SPTB: variants seen among roughly 807,000 people sequenced by gnomAD.
SPTB encodes spectrin beta chain, erythrocytic.
Under a neutral mutation model 256.2 loss-of-function variants are expected in SPTB, and 45 were observed. The ratio of observed to expected loss-of-function variants is 0.18; its 90% CI spans 0.14 to 0.23. The LOEUF (loss-of-function observed/expected upper bound fraction) is 0.23. SPTB is among the 10% of genes least tolerant of loss of function. SPTB has a pLI of 1.00. For missense variants in SPTB, 2,715 were observed against 3,040.4 expected, an observed-to-expected ratio of 0.89 and a Z score of 2.52; for synonymous variants, 1,231 against 1,243.1, an observed-to-expected ratio of 0.99 and a Z score of 0.21.
chr14:64,847,784 G>A lies in SPTB; in HGVS notation c.-51-24639C>T, dbSNP rs998845245. On this transcript the variant is annotated intron_variant, in intron 1 of 35. Transcript: ENST00000644917. This position sits in a 1 kb window ranked among gnomAD's most constrained non-coding sequence, Gnocchi z 5.9. ...ACACAGCATGCCACCCTTTGCTGTC[G>A]TGTCAGCCAGCACAGAGCAGCTCTT... 2.6e-5 allele frequency among the ~76,000 whole-genome samples: 4 copies of A among 152,112 alleles called. No individual in the cohort carries two copies. Among genetic ancestry groups the A allele is most frequent in the Non-Finnish European group, 4.4e-5 (3 of 68,038 alleles).
chr14:64,771,948 T>C (rs780385580), intron 26 of SPTB, among the ~76,000 whole-genome samples: 8 of 152,164 alleles, frequency 5.3e-5, no homozygotes, highest in Non-Finnish European at 1.2e-4. Flanking sequence ...AGGGGCCCCC[T>C]TGCATTTGCC....
At chr14:64,765,047 C>CGA (rs2082147733) in intron 32 of SPTB, among the ~76,000 whole-genome samples, 1 of 86,490 alleles carries the variant, frequency 1.2e-5, no homozygotes, top group African/African-American at 4.9e-5. Flanking sequence ...TGTGTGCGCG[C>CGA]GCGCGCGCGG....
At position 64,806,530 on chromosome 14, in the gene SPTB, A is replaced by G. The variant is rs1277065806; in HGVS notation, c.149-1440T>C. 6.6e-6 allele frequency among the ~76,000 whole-genome samples: 1 copy of G among 152,230 alleles called. No homozygotes were observed. The highest frequency in any genetic ancestry group is 1.5e-5 in the Non-Finnish European group (1 of 68,044). On this transcript the variant is annotated intron_variant, in intron 2 of 35. Transcript: ENST00000644917. This position sits in a 1 kb window ranked among gnomAD's most constrained non-coding sequence, Gnocchi z 4.1. ...TAAATATCTTGATTCAACAATAACA[A>G]AAAGAGGAGCTTAGCCAGTTCTGCC...
intron 14 of SPTB, 83 bp from the exon 15 acceptor site, chr14:64,791,939 C>A (rs896999284): frequency 1.3e-6 from 2 of 1,576,032 alleles, no homozygotes; most frequent in South Asian, 2.3e-5. Flanking sequence ...GTCTCCAGAA[C>A]ATGTAGCTCT....
chr14:64,846,608 A>T (rs975947804), intron 1 of SPTB, among the ~76,000 whole-genome samples: 12 of 152,264 alleles, frequency 7.9e-5, no homozygotes, highest in African/African-American at 2.9e-4. Flanking sequence ...TCATGGCAGC[A>T]TACTGTGGGC....
Position 64,772,688 on chromosome 14 carries a change from C to A in SPTB, c.5445G>T (p.Glu1815Asp). Residue 1815 changes from glutamate (E) to aspartate (D), a missense_variant, in exon 26 of 36, where the codon GAG (glutamate) becomes GAT (aspartate). Glu to Asp is a conservative substitution (Grantham distance 45). Coordinates refer to ENST00000644917, the MANE Select transcript of SPTB (RefSeq NM_001355436.2). This position sits in a 1 kb window ranked among gnomAD's most constrained non-coding sequence, Gnocchi z 5.4. ...CGTCCTCGGGCAGCTCGCGGTGCTT[C>A]TCGTCGATGAGGCCCAGGATCTCGG... ...TGAEILGLID[E>D]KHRELPEDVG... The A allele has an allele frequency of 6.2e-7, 1 of 1,613,794 alleles. No individual in the cohort carries two copies. The highest frequency in any genetic ancestry group is 8.5e-7 in the Non-Finnish European group (1 of 1,179,944).
At chr14:64,804,081 T>G (rs2082938880) in intron 3 of SPTB, among the ~76,000 whole-genome samples, 1 of 152,198 alleles carries the variant, frequency 6.6e-6, no homozygotes, top group Admixed American at 6.5e-5. Flanking sequence ...TATGGTTAAT[T>G]GATCCCTTAC....
At position 64,795,242 on chromosome 14, in the gene SPTB, T is replaced by C. The variant is rs1396357282; in HGVS notation, c.1644+95A>G. The C allele has an allele frequency of 2.1e-6, 3 of 1,414,460 alleles. No homozygotes were observed. The highest frequency in any genetic ancestry group is 3.7e-5 in the Admixed American group (2 of 54,306). 87.6% of individuals were successfully genotyped at this position (1,414,460 alleles called of 1,614,324 possible). ...ATTTTGACTCAGAGATATGACTGGC[T>C]GGGAGGTGTCTAAGGAAGCCTATGC... On this transcript the variant is annotated intron_variant, in intron 12 of 35. Coordinates refer to ENST00000644917, the MANE Select transcript of SPTB (RefSeq NM_001355436.2). The surrounding 1 kb of genome is among the most constrained non-coding windows in gnomAD (Gnocchi z 6.5).
In SPTB at chr14:64,772,959, G is replaced by A. The variant is rs1446595999; in HGVS notation, c.5179-5C>T. 19 of 1,597,976 alleles carry A rather than the reference G, an allele frequency of 1.2e-5. No individual in the cohort carries two copies. Among genetic ancestry groups the A allele is most frequent in the Non-Finnish European group, 1.6e-5 (19 of 1,173,092 alleles). ...CCGGAACTTGTCCCGCAGAAGCTAG[G>A]CATGGGGCAGACAGAAATGTGGTTA... On this transcript the variant is annotated splice_region_variant and splice_polypyrimidine_tract_variant and intron_variant, in intron 25 of 35. Coordinates refer to ENST00000644917, the MANE Select transcript of SPTB (RefSeq NM_001355436.2). This position sits in a 1 kb window ranked among gnomAD's most constrained non-coding sequence, Gnocchi z 5.4.
rs1004218224 is a variant in SPTB at position 64,749,145 on chromosome 14, C to A, written c.*161G>T. On this transcript the variant is annotated 3_prime_UTR_variant, in exon 36 of 36. Coordinates refer to ENST00000644917, the MANE Select transcript of SPTB (RefSeq NM_001355436.2). This position sits in a 1 kb window ranked among gnomAD's most constrained non-coding sequence, Gnocchi z 4.7. The stretch of plus-strand genomic sequence containing the variant: ...GGAGGGGGCGTCGGCCCAGGACACG[C>A]GGGCGAAGGCAGCTTTTGCAGTGCA... 1.3e-6 allele frequency: 1 copy of A among 788,726 alleles called. No individual in the cohort carries two copies. Among genetic ancestry groups the A allele is most frequent in the Non-Finnish European group, 1.9e-6 (1 of 517,928 alleles). 48.9% of individuals were successfully genotyped at this position (788,726 alleles called of 1,614,324 possible). A position where few individuals can be genotyped will look rare whatever the true frequency, so the allele number is the denominator to read the frequency against.
intron 22 of SPTB, among the ~76,000 whole-genome samples, chr14:64,776,377 C>T (rs965964833): frequency 6.6e-6 from 1 of 152,196 alleles, no homozygotes; most frequent in Non-Finnish European, 1.5e-5. Flanking sequence ...ATTCAAACAA[C>T]CCATGTTTTC....
In SPTB at chr14:64,824,955, G is replaced by A. The variant is rs1286531888; in HGVS notation, c.-51-1810C>T. 6.6e-6 allele frequency among the ~76,000 whole-genome samples: 1 copy of A among 152,160 alleles called. No individual in the cohort carries two copies. Among genetic ancestry groups the A allele is most frequent in the Admixed American group, 6.5e-5 (1 of 15,286 alleles). On this transcript the variant is annotated intron_variant, in intron 1 of 35. Coordinates refer to ENST00000644917, the MANE Select transcript of SPTB (RefSeq NM_001355436.2). This position sits in a 1 kb window ranked among gnomAD's most constrained non-coding sequence, Gnocchi z 5.7. The stretch of plus-strand genomic sequence containing the variant: ...GGAGAAAAACCAAGGCCTGCTGCAG[G>A]AGGAGGCCTCCCCAGGGTCATCCGG...
At chr14:64,774,736 C>T (rs1014839187) in intron 23 of SPTB, among the ~76,000 whole-genome samples, 2 of 152,148 alleles carry the variant, frequency 1.3e-5, no homozygotes, top group East Asian at 1.9e-4. Flanking sequence ...TCCCCTGATT[C>T]GTATCCGACA....
intron 1 of SPTB, among the ~76,000 whole-genome samples, chr14:64,870,799 T>C (rs1882485959): frequency 6.6e-6 from 1 of 152,168 alleles, no homozygotes; most frequent in Non-Finnish European, 1.5e-5. Flanking sequence ...CCAAAAGAAG[T>C]GAAAGCAAGG....
chr14:64,750,000 T>C lies in SPTB; in HGVS notation c.6757A>G (p.Lys2253Glu). ...CCTCACCTCAGCTTAAAGACGTGCT[T>C]CTTCTTCTTGTAGTTGGCAGCAATC... Reference protein sequence around the residue: ...CEIAANYKKKKHVFKLRLSNG... With the variant: ...CEIAANYKKKEHVFKLRLSNG... The change falls in exon 34 of 36, where the codon AAG (lysine) becomes GAG (glutamate). Residue 2253 changes from lysine (K) to glutamate (E), a missense_variant. Physicochemically the swap from Lys to Glu is moderately conservative, Grantham distance 56 (BLOSUM62 1). This residue lies in a region of SPTB where 2,239 missense variants were observed against 2,384.4 expected (regional missense o/e 0.94). Transcript: ENST00000644917. This position sits in a 1 kb window ranked among gnomAD's most constrained non-coding sequence, Gnocchi z 4.7. The C allele has an allele frequency of 6.2e-7, 1 of 1,613,086 alleles. No homozygotes were observed. The highest frequency in any genetic ancestry group is 1.1e-5 in the South Asian group (1 of 91,070).
intron 1 of SPTB, among the ~76,000 whole-genome samples, chr14:64,859,503 G>A (rs1019163448): frequency 6.6e-6 from 1 of 152,176 alleles, no homozygotes; most frequent in Non-Finnish European, 1.5e-5. Flanking sequence ...CCAGCACTTT[G>A]GGAGACTGAG....
intron 20 of SPTB, among the ~76,000 whole-genome samples, chr14:64,780,678 G>T (rs571690376): frequency 3.3e-5 from 5 of 152,332 alleles, no homozygotes; most frequent in African/African-American, 1.2e-4. Flanking sequence ...CTCCCAAAGT[G>T]CTGGGATTAC....
rs2081918782 is a variant in SPTB at position 64,749,951 on chromosome 14, C to T, written c.6776+30G>A. 1.2e-6 allele frequency: 2 copies of T among 1,614,150 alleles called. No homozygotes were observed. The highest frequency in any genetic ancestry group is 4.5e-5 in the East Asian group (2 of 44,886). ...ACTAATGCCAAATCAAGCCATCAAC[C>T]CGAGCTTTCAAAGGCCAGGAAGGCC... On this transcript the variant is annotated intron_variant, in intron 34 of 35. Coordinates refer to ENST00000644917, the MANE Select transcript of SPTB (RefSeq NM_001355436.2). The surrounding 1 kb of genome is among the most constrained non-coding windows in gnomAD (Gnocchi z 4.7).
rs189086 is a variant in SPTB, at chr14:64,766,405, T to C, written c.6345+321A>G. On this transcript the variant is annotated intron_variant, in intron 32 of 35. Transcript: ENST00000644917. The stretch of plus-strand genomic sequence containing the variant: ...TGCACTAATCATCTCTGGCTAGTGT[T>C]TCCCCTCATGTAAATGGTGATATAT... 0.05 allele frequency: 68,335 copies of C among 1,364,454 alleles called. 5,330 individuals carry two copies. Among genetic ancestry groups the C allele is most frequent in the African/African-American group, 0.35 (23,936 of 68,168 alleles). 84.5% of individuals were successfully genotyped at this position (1,364,454 alleles called of 1,614,324 possible).
Sources: allele counts gnomAD v4.1 joint callset (sites outside exome capture counted in the v4.1 genomes callset), GRCh38; gene constraint gnomAD v4.1.1; regional missense constraint gnomAD v4.1.1; non-coding constraint Gnocchi (gnomAD v3.1); transcripts MANE v1.5; gene names NCBI Gene and HGNC (gene_info 2026-07-23, HGNC 2026-07-21).